The following ZFAND4 variants were observed in gnomAD, a reference collection of about 807,000 sequenced individuals.
ZFAND4 encodes the protein AN1-type zinc finger protein 4.
ZFAND4 carries 43 observed loss-of-function variants against 64.4 expected under a neutral mutation model. That is an observed-to-expected ratio of 0.67 (90% CI 0.52 to 0.86). ZFAND4 has a LOEUF of 0.86. Ranked by LOEUF, ZFAND4 falls within the 40% of genes least tolerant of loss-of-function variation. The pLI, the probability that ZFAND4 is intolerant of heterozygous loss-of-function variation, is 0.00. For synonymous variants in ZFAND4, 296 were observed against 305.7 expected (o/e 0.97, Z 0.33); for missense variants, 929 against 859.8 (o/e 1.08, Z -1.01).
chr10:45,617,561 A>AAGGCTCC, intron 9 of ZFAND4, among the ~76,000 whole-genome samples: 1 of 148,644 alleles, frequency 6.7e-6, no homozygotes, highest in Admixed American at 6.8e-5. Flanking sequence ...CCAAGACATC[A>AAGGCTCC]AGGCTCCAGT....
chr10:45,659,407 G>A (rs1330609366), intron 2 of ZFAND4, among the ~76,000 whole-genome samples: 1 of 152,188 alleles, frequency 6.6e-6, no homozygotes, highest in Non-Finnish European at 1.5e-5. Flanking sequence ...CAACAGGGGA[G>A]ACAAAACAAG....
intron 1 of ZFAND4, among the ~76,000 whole-genome samples, chr10:45,664,770 A>G (rs938219652): frequency 5.3e-5 from 8 of 151,890 alleles, no homozygotes; most frequent in Non-Finnish European, 7.4e-5. Flanking sequence ...TACTAAAAAT[A>G]CAAGAAAAAA....
At chr10:45,618,780 T>C (rs1280050530) in intron 8 of ZFAND4, among the ~76,000 whole-genome samples, 2 of 152,316 alleles carry the variant, frequency 1.3e-5, no homozygotes, top group South Asian at 2.1e-4. Context: ...TTTAACATAA[T>C]AGAACATGTA....
intron 6 of ZFAND4, among the ~76,000 whole-genome samples, chr10:45,635,218 A>AAAAAAAAAAAAAAAAAAAAAAAAAG (rs2046503135): frequency 1.4e-5 from 2 of 145,144 alleles, no homozygotes; most frequent in Non-Finnish European, 3.0e-5. Context: ...AAAAAACAAA[A>AAAAAAAAAAAAAAAAAAAAAAAAAG]AAAAAACAAA....
chr10:45,670,225 A>AT (rs202120323), intron 1 of ZFAND4, among the ~76,000 whole-genome samples: 1,713 of 138,526 alleles, frequency 0.012, 9 homozygotes, highest in African/African-American at 0.016. Flanking sequence ...CAACTATCTG[A>AT]TTTTTTTTTT....
At position 45,660,301 on chromosome 10, in the gene ZFAND4, CA is replaced by C. The variant is rs1296142130; in HGVS notation, c.184+3240del. On this transcript the variant is annotated intron_variant, in intron 2 of 9. Transcript: ENST00000344646. ...AGGAGGTCGAGTCCAGCCTGGCCAA[CA>C]TAGTGAAATCCCATCTCAAAATAAA... 8.4e-4 allele frequency among the ~76,000 whole-genome samples: 127 copies of C among 151,814 alleles called. 1 individual carries two copies. The highest frequency in any genetic ancestry group is 2.9e-3 in the African/African-American group (121 of 41,422).
chr10:45,666,192 C>T (rs917086799), intron 1 of ZFAND4, among the ~76,000 whole-genome samples: 1 of 152,170 alleles, frequency 6.6e-6, no homozygotes, highest in Non-Finnish European at 1.5e-5. Context: ...ATGAGGGTGC[C>T]AATTTCTCCA....
intron 5 of ZFAND4, among the ~76,000 whole-genome samples, chr10:45,642,731 TA>T (rs1441065288): frequency 6.6e-6 from 1 of 151,696 alleles, no homozygotes; most frequent in Non-Finnish European, 1.5e-5. Flanking sequence ...TCATGAAGTA[TA>T]GATTCATGAG....
intron 2 of ZFAND4, among the ~76,000 whole-genome samples, chr10:45,654,567 C>T (rs1264910171): frequency 1.3e-5 from 2 of 151,004 alleles, no homozygotes; most frequent in African/African-American, 2.4e-5. Flanking sequence ...TGCAGTGAGC[C>T]GAGATTGCGC....
chr10:45,654,857 A>C (rs750429923), intron 2 of ZFAND4, among the ~76,000 whole-genome samples: 26 of 152,216 alleles, frequency 1.7e-4, no homozygotes, highest in Non-Finnish European at 2.8e-4. Context: ...CAGATTCATA[A>C]AACAATTGCT....
chr10:45,631,358 C>A (rs1445109291), intron 6 of ZFAND4, among the ~76,000 whole-genome samples: 3 of 145,950 alleles, frequency 2.1e-5, no homozygotes, highest in East Asian at 2.0e-4. Flanking sequence ...AACAAAAAAA[C>A]AAATAAAGTA....
rs2047708206 is a variant in ZFAND4, at chr10:45,650,754, C to T, written c.328+1212G>A. On this transcript the variant is annotated intron_variant, in intron 4 of 9. Coordinates refer to ENST00000344646, the MANE Select transcript of ZFAND4 (RefSeq NM_174890.4). The stretch of plus-strand genomic sequence containing the variant: ...ATAATGGTTCAGTAAACACAGGGTT[C>T]TTGTGCTACTTCAAGAGTTATTACT... 2.6e-5 allele frequency: 4 copies of T among 152,184 alleles called. No individual in the cohort carries two copies. In the South Asian group the frequency reaches 8.3e-4, roughly 32 times the overall value. 9.4% of individuals were successfully genotyped at this position (152,184 alleles called of 1,614,324 possible).
chr10:45,672,766 C>G lies in ZFAND4; in HGVS notation c.-634G>C, dbSNP rs866825122. ...GAGCAACTTCACGGAAGGCACTGGC[C>G]GACAACGCTCCGCTGCCGCCGCGCC... is the stretch of plus-strand genomic sequence containing the variant. On this transcript the variant is annotated 5_prime_UTR_variant, in exon 1 of 10. Coordinates refer to ENST00000344646, the MANE Select transcript of ZFAND4 (RefSeq NM_174890.4). The G allele has an allele frequency of 2.0e-5, 3 of 152,326 alleles. No homozygotes were observed. The highest frequency in any genetic ancestry group is 6.5e-5 in the Admixed American group (1 of 15,284). The allele number at this position is 152,326 out of a possible 1,614,324, so 9.4% of individuals were successfully genotyped here.
chr10:45,633,610 G>C (rs778065800), intron 6 of ZFAND4, among the ~76,000 whole-genome samples: 11 of 151,232 alleles, frequency 7.3e-5, no homozygotes, highest in Non-Finnish European at 1.5e-4. Context: ...AAATACTCTT[G>C]GACTAATGAG....
intron 5 of ZFAND4, among the ~76,000 whole-genome samples, chr10:45,642,146 C>T (rs989905792): frequency 1.3e-5 from 2 of 152,174 alleles, no homozygotes; most frequent in African/African-American, 4.8e-5. Context: ...AGTTACCTTG[C>T]AATATTTTAA....
At chr10:45,631,177 G>A (rs2046191866) in intron 6 of ZFAND4, among the ~76,000 whole-genome samples, 1 of 151,524 alleles carries the variant, frequency 6.6e-6, no homozygotes, top group South Asian at 2.1e-4. Flanking sequence ...AATTAGCTGG[G>A]TGTGGTGACG....
intron 5 of ZFAND4, among the ~76,000 whole-genome samples, chr10:45,642,170 T>C (rs149595910): frequency 2.2e-4 from 34 of 152,366 alleles, no homozygotes; most frequent in African/African-American, 8.2e-4. Context: ...TAAATACTTC[T>C]GAGTTACTCT....
At chr10:45,642,543 C>T (rs1423576083) in intron 5 of ZFAND4, among the ~76,000 whole-genome samples, 1 of 147,708 alleles carries the variant, frequency 6.8e-6, no homozygotes, top group Non-Finnish European at 1.5e-5. Context: ...GGAGGCAGAG[C>T]TTGCAAGTGA....
At chr10:45,624,445 G>T in intron 8 of ZFAND4, 138 bp downstream of exon 8, 3 of 660,838 alleles carry the variant, frequency 4.5e-6, no homozygotes, top group South Asian at 2.4e-5. Context: ...TTCTTAATTG[G>T]AAAAAGCATT....
Sources: gnomAD v4.1 joint callset for allele counts (sites outside exome capture counted in the v4.1 genomes callset) on GRCh38, gnomAD v4.1.1 for gene constraint, MANE v1.5 for transcripts, NCBI Gene and HGNC (gene_info 2026-07-23, HGNC 2026-07-21) for gene names.